TJP1: variants seen among roughly 807,000 people sequenced by gnomAD.
TJP1 encodes the protein tight junction protein ZO-1.
TJP1 carries 43 observed loss-of-function variants against 194.2 expected under a neutral mutation model. The ratio of observed to expected loss-of-function variants is 0.22; its 90% CI spans 0.17 to 0.29. The LOEUF (loss-of-function observed/expected upper bound fraction) is 0.29. Ranked by LOEUF, TJP1 falls within the 10% of genes least tolerant of loss-of-function variation. The probability of loss-of-function intolerance (pLI) is 1.00; values close to 1 mark genes in which losing one functional copy is unlikely to be tolerated. For synonymous variants in TJP1, 801 were observed against 779.0 expected (o/e 1.03, Z -0.47); for missense variants, 1,971 against 2,185.7 (o/e 0.90, Z 1.96).
intron 1 of TJP1, among the ~76,000 whole-genome samples, chr15:29,801,339 TCCC>T (rs1243226244): frequency 6.6e-6 from 1 of 151,146 alleles, no homozygotes; most frequent in Non-Finnish European, 1.5e-5. Context: ...TCTCCCAAAC[TCCC>T]CCAAGAATCA....
chr15:29,901,871 C>G (rs1466842824), intron 2 of TJP1, among the ~76,000 whole-genome samples: 1 of 150,434 alleles, frequency 6.6e-6, no homozygotes, highest in Non-Finnish European at 1.5e-5. Flanking sequence ...CAATTGATGA[C>G]ATGTCTGCAT....
chr15:29,917,774 C>A (rs1005077597), intron 2 of TJP1, among the ~76,000 whole-genome samples: 3 of 152,212 alleles, frequency 2.0e-5, no homozygotes, highest in African/African-American at 4.8e-5. Context: ...AGCTGGCTTG[C>A]TCAAGAGCTT....
At chr15:29,816,763 A>T (rs767006025) in intron 1 of TJP1, among the ~76,000 whole-genome samples, 2 of 152,204 alleles carry the variant, frequency 1.3e-5, no homozygotes, top group Non-Finnish European at 2.9e-5. Context: ...TAAGGTTTCA[A>T]AAACGTTAAG....
intron 1 of TJP1, among the ~76,000 whole-genome samples, chr15:29,965,887 G>C (rs570148191): frequency 7.4e-4 from 112 of 152,134 alleles, no homozygotes; most frequent in Non-Finnish European, 1.3e-3. Context: ...TTAACAATGA[G>C]TGGAAATTAA....
intron 16 of TJP1, 36 bp from the exon 17 acceptor site, chr15:29,727,027 A>C (rs769653603): frequency 8.7e-5 from 137 of 1,576,714 alleles, no homozygotes; most frequent in Non-Finnish European, 1.1e-4. Context: ...CAAAGACACA[A>C]GACATCATTA....
intron 2 of TJP1, among the ~76,000 whole-genome samples, chr15:29,950,484 C>T (rs1464526263): frequency 6.6e-6 from 1 of 152,098 alleles, no homozygotes; most frequent in East Asian, 1.9e-4. Context: ...CCTCCACCTC[C>T]ACCACTACCA....
upstream of TJP1, chr15:29,822,525 ACGAGG>A (rs1048284529): frequency 1.1e-3 from 1,053 of 975,904 alleles, 1 homozygote; most frequent in Non-Finnish European, 1.2e-3. Flanking sequence ...GCGGGGCTGG[ACGAGG>A]CGAGGCGAGG....
chr15:29,966,331 C>A (rs1042801017), intron 1 of TJP1, among the ~76,000 whole-genome samples: 7 of 151,952 alleles, frequency 4.6e-5, no homozygotes, highest in African/African-American at 1.7e-4. Flanking sequence ...GGTAATGCCC[C>A]ATCTGTACTA....
At chr15:29,854,911 G>T (rs2051788517) in intron 2 of TJP1, among the ~76,000 whole-genome samples, 1 of 152,044 alleles carries the variant, frequency 6.6e-6, no homozygotes. Flanking sequence ...AAAAAAAAAG[G>T]TTAGAAACAA....
At chr15:29,958,353 T>C (rs1567235858) in intron 1 of TJP1, among the ~76,000 whole-genome samples, 1 of 152,054 alleles carries the variant, frequency 6.6e-6, no homozygotes, top group Non-Finnish European at 1.5e-5. Context: ...TGGATTTTTT[T>C]CTTTCTTTAC....
At chr15:29,820,384 TAAAA>T (rs1027641009) in intron 1 of TJP1, 3 of 617,496 alleles carry the variant, frequency 4.9e-6, no homozygotes, top group South Asian at 3.9e-5. Context: ...TACAGCATCT[TAAAA>T]AAAAGCTTTC....
At position 29,760,235 on chromosome 15, in the gene TJP1, T is replaced by C. The variant is rs1407772863; in HGVS notation, c.1010+904A>G. 10 of 702,354 alleles carry C rather than the reference T, an allele frequency of 1.4e-5. No individual in the cohort carries two copies. In the East Asian group the frequency reaches 2.7e-4, roughly 19 times the overall value. The allele number at this position is 702,354 out of a possible 1,614,324, so 43.5% of individuals were successfully genotyped here. On this transcript the variant is annotated intron_variant, in intron 8 of 27. Coordinates refer to ENST00000614355, the MANE Select transcript of TJP1 (RefSeq NM_001330239.4). The stretch of plus-strand genomic sequence containing the variant: ...CCAGAAATTGTATGCAATTGCTGCG[T>C]GTATGTGCACATGCACATTTTTCTG...
At chr15:29,854,350 G>GT (rs1404553544) in intron 2 of TJP1, among the ~76,000 whole-genome samples, 1 of 152,132 alleles carries the variant, frequency 6.6e-6, no homozygotes, top group Non-Finnish European at 1.5e-5. Context: ...CTCTATAGAT[G>GT]TAAGTTAAGG....
intron 2 of TJP1, among the ~76,000 whole-genome samples, chr15:29,916,360 G>A (rs1184702997): frequency 2.0e-5 from 3 of 151,806 alleles, no homozygotes; most frequent in Non-Finnish European, 2.9e-5. Flanking sequence ...GAAATGCTCT[G>A]GGTTGGCACT....
intron 2 of TJP1, among the ~76,000 whole-genome samples, chr15:29,841,814 C>T (rs771312139): frequency 1.2e-4 from 18 of 151,670 alleles, no homozygotes; most frequent in African/African-American, 1.7e-4. Flanking sequence ...CCATAACTTA[C>T]ATGTGATTGA....
At chr15:29,699,795 T>A (rs2041431459), downstream of TJP1, 1 of 153,540 alleles carries the variant, frequency 6.5e-6, no homozygotes, top group South Asian at 2.1e-4. Context: ...GTGCTATTTA[T>A]CTGGGGAATA....
intron 1 of TJP1, chr15:29,820,629 G>C: frequency 2.8e-6 from 2 of 713,750 alleles, no homozygotes; most frequent in Non-Finnish European, 5.2e-6. Flanking sequence ...TCACACTTCA[G>C]GAACAAAGTG....
chr15:29,968,684 C>G lies in TJP1; in HGVS notation c.156G>C (p.Pro52=), dbSNP rs578151217. ...CGCCTCACCACAGCTTCCTCTTGAG[C>G]GGCAGGAGGCTGCCGCGGTTGGAGG... Residue 52 remains proline, a synonymous_variant, in exon 1 of 29, where the codon CCG becomes CCC. Transcript: ENST00000356107. The G allele has an allele frequency of 2.8e-3, 3,156 of 1,133,026 alleles. 13 individuals are homozygous for G. The highest frequency in any genetic ancestry group is 0.014 in the Admixed American group (439 of 31,948). The allele number at this position is 1,133,026 out of a possible 1,614,324, so 70.2% of individuals were successfully genotyped here. A position where few individuals can be genotyped will look rare whatever the true frequency, so the allele number is the denominator to read the frequency against.
intron 2 of TJP1, among the ~76,000 whole-genome samples, chr15:29,789,940 G>T (rs193234034): frequency 1.3e-5 from 2 of 152,096 alleles, no homozygotes; most frequent in East Asian, 1.9e-4. Context: ...TTTAAAATAC[G>T]TGTTAGGGAT....
Sources: gnomAD v4.1 joint callset for allele counts (sites outside exome capture counted in the v4.1 genomes callset) on GRCh38, gnomAD v4.1.1 for gene constraint, MANE v1.5 for transcripts, NCBI Gene and HGNC (gene_info 2026-07-23, HGNC 2026-07-21) for gene names.